The following EED variants were observed in gnomAD, a reference collection of about 807,000 sequenced individuals.
EED encodes the protein embryonic ectoderm development, also known as polycomb protein EED.
Under a neutral mutation model 61.0 loss-of-function variants are expected in EED, and 9 were observed. The observed-to-expected ratio is 0.15, with a 90% CI of 0.09 to 0.26. The LOEUF (loss-of-function observed/expected upper bound fraction) is 0.26. Ranked by LOEUF, EED falls within the 10% of genes least tolerant of loss-of-function variation. The pLI is 1.00. For missense variants in EED, 315 were observed against 542.3 expected (o/e 0.58, Z 4.16); for synonymous variants, 187 against 174.4 (o/e 1.07, Z -0.57).
At chr11:86,287,363 A>G in the EED span, among the ~76,000 whole-genome samples, 1 of 152,208 alleles carries the variant, frequency 6.6e-6, no homozygotes, top group African/African-American at 2.4e-5. Context: ...GTTGTGATTT[A>G]TAGAAAATGA....
chr11:86,281,048 T>A (rs1399249620), downstream of EED, among the ~76,000 whole-genome samples: 1 of 152,250 alleles, frequency 6.6e-6, no homozygotes, highest in Non-Finnish European at 1.5e-5. Context: ...TCTTTTAATG[T>A]ATTGCTGAAG....
Position 86,278,710 on chromosome 11 carries a change from C to T in EED, c.*185C>T, listed in dbSNP as rs943110706. Reference sequence around the variant, plus strand: ...GTACTGTCTTCCTGCTCAGACTCTACTGCTTTTAATAAAAATTTATTTTTG... The same window carrying T: ...GTACTGTCTTCCTGCTCAGACTCTATTGCTTTTAATAAAAATTTATTTTTG... On this transcript the variant is annotated 3_prime_UTR_variant, in exon 12 of 12. Coordinates refer to ENST00000263360, the MANE Select transcript of EED (RefSeq NM_003797.5). 6.1e-6 allele frequency: 4 copies of T among 652,892 alleles called. No individual in the cohort carries two copies. Among genetic ancestry groups the T allele is most frequent in the Non-Finnish European group, 8.8e-6 (4 of 456,424 alleles). 40.4% of individuals were successfully genotyped at this position (652,892 alleles called of 1,614,324 possible). A position where few individuals can be genotyped will look rare whatever the true frequency, so the allele number is the denominator to read the frequency against.
intron 9 of EED, among the ~76,000 whole-genome samples, chr11:86,271,757 G>A (rs1370274447): frequency 2.6e-5 from 4 of 151,924 alleles, no homozygotes; most frequent in Admixed American, 1.3e-4. Flanking sequence ...GGTTTATCTT[G>A]TGTTGCCTAT....
chr11:86,253,864 G>A (rs777976420), intron 3 of EED, among the ~76,000 whole-genome samples: 48 of 151,742 alleles, frequency 3.2e-4, no homozygotes, highest in Admixed American at 1.1e-3. Context: ...CCTGACCAAC[G>A]TGGTGAAACC....
At chr11:86,253,212 A>C (rs1351280779) in intron 3 of EED, among the ~76,000 whole-genome samples, 1 of 152,196 alleles carries the variant, frequency 6.6e-6, no homozygotes, top group Non-Finnish European at 1.5e-5. Flanking sequence ...TGTAGGTTTT[A>C]AGATAATGTA....
chr11:86,261,709 G>C (rs1269173324), intron 6 of EED, among the ~76,000 whole-genome samples: 1 of 152,218 alleles, frequency 6.6e-6, no homozygotes, highest in Non-Finnish European at 1.5e-5. Flanking sequence ...AACACCACAT[G>C]GACACTGCCA....
chr11:86,253,021 T>G (rs1036752157), intron 3 of EED, among the ~76,000 whole-genome samples: 4 of 152,208 alleles, frequency 2.6e-5, no homozygotes, highest in African/African-American at 7.2e-5. Context: ...GAGCTGGGGT[T>G]GCAGTCATGA....
chr11:86,258,572 T>G (rs1435845269), intron 6 of EED, among the ~76,000 whole-genome samples: 2 of 150,612 alleles, frequency 1.3e-5, no homozygotes, highest in Admixed American at 1.3e-4. Flanking sequence ...TTTTTTTTTT[T>G]GAGACAAAGT....
rs763956385 is a variant in EED, at chr11:86,266,169, G to A, written c.813G>A (p.Met271Ile). The change falls in exon 8 of 12, where the codon ATG becomes ATA. Residue 271 changes from methionine (M) to isoleucine (I), a missense_variant. Physicochemically the swap from Met to Ile is conservative, Grantham distance 10. Coordinates refer to ENST00000263360, the MANE Select transcript of EED (RefSeq NM_003797.5). ...GGAGGATCAATTCAAAGAGAATGATGAATGCAATTAAGGAATCTTATGATT... is the reference window on the plus strand; with the variant it reads ...GGAGGATCAATTCAAAGAGAATGATAAATGCAATTAAGGAATCTTATGATT... Reference protein sequence around the residue: ...KLWRINSKRMMNAIKESYDYN... With the variant: ...KLWRINSKRMINAIKESYDYN... 1.9e-6 allele frequency: 3 copies of A among 1,603,166 alleles called. No homozygotes were observed. The South Asian group carries it at 3.3e-5, about 18-fold the overall frequency.
chr11:86,278,349 C>CT, intron 11 of EED, 50 bp from the exon 12 acceptor site: 1 of 1,584,372 alleles, frequency 6.3e-7, no homozygotes, highest in Non-Finnish European at 8.6e-7. Context: ...AGGGTAGACA[C>CT]TGACAACGTT....
Position 86,277,944 on chromosome 11 carries a change from C to A in EED, c.1152C>A (p.Gly384=). The stretch of plus-strand genomic sequence containing the variant: ...TGCTTGCATTGGGCAATCAAGTTGG[C>A]AAACTTTATGTTTGGGATTTAGAAG... The part of the protein sequence containing the change: ...QKMLALGNQV[G]KLYVWDLEVE... The change falls in exon 11 of 12, where the codon GGC becomes GGA. Residue 384 remains glycine (G), a synonymous_variant. Transcript: ENST00000263360. The A allele has an allele frequency of 6.5e-7, 1 of 1,545,320 alleles. No homozygotes were observed. Among genetic ancestry groups the A allele is most frequent in the South Asian group, 1.3e-5 (1 of 77,832 alleles).
At chr11:86,248,751 G>A (rs1254449509) in intron 1 of EED, among the ~76,000 whole-genome samples, 1 of 152,128 alleles carries the variant, frequency 6.6e-6, no homozygotes, top group Non-Finnish European at 1.5e-5. Flanking sequence ...GGGCGCAGTG[G>A]CTCACACCTG....
chr11:86,255,395 T>A, intron 4 of EED, 108 bp downstream of exon 4: 1 of 908,278 alleles, frequency 1.1e-6, no homozygotes, highest in Non-Finnish European at 1.6e-6. Flanking sequence ...TGTTCTTTCT[T>A]AACCGATTTC....
chr11:86,271,170 A>G (rs1946102607), intron 9 of EED, among the ~76,000 whole-genome samples: 1 of 152,158 alleles, frequency 6.6e-6, no homozygotes, highest in African/African-American at 2.4e-5. Context: ...TGATTGTGGT[A>G]TGTCTCTTCA....
At chr11:86,280,711 C>A (rs925261349), downstream of EED, among the ~76,000 whole-genome samples, 2 of 152,168 alleles carry the variant, frequency 1.3e-5, no homozygotes, top group Admixed American at 6.5e-5. Context: ...GTAGAATGAG[C>A]AAATTGGGCT....
intron 3 of EED, among the ~76,000 whole-genome samples, chr11:86,253,418 A>G (rs931100426): frequency 6.6e-6 from 1 of 152,214 alleles, no homozygotes; most frequent in Non-Finnish European, 1.5e-5. Context: ...TATAATTGGT[A>G]TAGTTTGTGC....
chr11:86,281,321 C>A (rs2138246779), downstream of EED, among the ~76,000 whole-genome samples: 1 of 152,022 alleles, frequency 6.6e-6, no homozygotes, highest in Non-Finnish European at 1.5e-5. Flanking sequence ...TGTAATATTT[C>A]CTCTTTCATT....
chr11:86,256,583 A>G (rs930119710), intron 5 of EED, 71 bp downstream of exon 5: 54 of 1,370,454 alleles, frequency 3.9e-5, no homozygotes, highest in Non-Finnish European at 4.7e-5. Context: ...GTAATGTTAA[A>G]TTTAAAACTA....
chr11:86,267,156 G>T (rs560972076), intron 8 of EED, among the ~76,000 whole-genome samples: 1 of 152,088 alleles, frequency 6.6e-6, no homozygotes, highest in Non-Finnish European at 1.5e-5. Flanking sequence ...AGTTGTACTC[G>T]TTTTTTCTTT....
Sources: gnomAD v4.1 joint callset for allele counts (sites outside exome capture counted in the v4.1 genomes callset) on GRCh38, gnomAD v4.1.1 for gene constraint, MANE v1.5 for transcripts, NCBI Gene and HGNC (gene_info 2026-07-23, HGNC 2026-07-21) for gene names.